The following KDM4C variants were observed in gnomAD, a reference collection of about 807,000 sequenced individuals.
KDM4C encodes the protein lysine-specific demethylase 4C.
Under a neutral mutation model 129.3 loss-of-function variants are expected in KDM4C, and 81 were observed. The observed-to-expected ratio is 0.63, with a 90% CI of 0.52 to 0.75. The LOEUF (loss-of-function observed/expected upper bound fraction) is 0.75, where lower values mean the gene tolerates loss of function less well. Ranked by LOEUF, KDM4C falls within the 30% of genes least tolerant of loss-of-function variation. The pLI, the probability that KDM4C is intolerant of heterozygous loss-of-function variation, is 0.00. For missense variants in KDM4C, 1,457 were observed against 1,304.0 expected (o/e 1.12, Z -1.81); for synonymous variants, 573 against 456.1 (o/e 1.26, Z -3.26).
At chr9:6,766,695 A>G (rs915862373) in intron 1 of KDM4C, among the ~76,000 whole-genome samples, 1 of 152,068 alleles carries the variant, frequency 6.6e-6, no homozygotes, top group Non-Finnish European at 1.5e-5. Context: ...GGTCCCTGGG[A>G]AAGCACATAA....
chr9:7,146,866 C>G (rs554211961), intron 19 of KDM4C, among the ~76,000 whole-genome samples: 2 of 152,182 alleles, frequency 1.3e-5, no homozygotes, highest in Non-Finnish European at 2.9e-5. Context: ...GTTCTGTGTT[C>G]TGTTGTAGCC....
chr9:6,792,034 GA>G (rs1826747826), intron 1 of KDM4C, among the ~76,000 whole-genome samples: 1 of 151,820 alleles, frequency 6.6e-6, no homozygotes, highest in South Asian at 2.1e-4. Flanking sequence ...AAAAGAAAAA[GA>G]GAAAAGGAAA....
At chr9:6,844,005 T>A (rs1287923924) in intron 4 of KDM4C, among the ~76,000 whole-genome samples, 14 of 152,138 alleles carry the variant, frequency 9.2e-5, no homozygotes, top group Admixed American at 7.2e-4. Context: ...GGCTATTTTT[T>A]AAAATTTTTG....
At position 7,001,766 on chromosome 9, in the gene KDM4C, T is replaced by A. The variant is rs933762333; in HGVS notation, c.1787-9932T>A. ...TTTGGTATGGGGAGCTTCTTTTTCA[T>A]GTAGATTGCATCATGCTAGTGTTAA... On this transcript the variant is annotated intron_variant, in intron 12 of 21. Coordinates refer to ENST00000381309, the MANE Select transcript of KDM4C (RefSeq NM_015061.6). 3.3e-5 allele frequency among the ~76,000 whole-genome samples: 5 copies of A among 152,276 alleles called. No homozygotes were observed. The East Asian group carries it at 9.6e-4, about 29-fold the overall frequency.
At chr9:7,046,219 T>C (rs552830454) in intron 15 of KDM4C, among the ~76,000 whole-genome samples, 8 of 152,010 alleles carry the variant, frequency 5.3e-5, no homozygotes, top group African/African-American at 1.9e-4. Context: ...CTAAGACACA[T>C]AAGAGTGCTG....
intron 20 of KDM4C, among the ~76,000 whole-genome samples, chr9:7,167,750 C>T (rs1319605635): frequency 1.3e-5 from 2 of 152,232 alleles, no homozygotes; most frequent in Non-Finnish European, 2.9e-5. Context: ...GCCTGAGAGA[C>T]ATACCCACCT....
At chr9:6,756,491 C>G (rs1588074404), upstream of KDM4C, among the ~76,000 whole-genome samples, 1 of 152,268 alleles carries the variant, frequency 6.6e-6, no homozygotes, top group African/African-American at 2.4e-5. Flanking sequence ...CCGAGGCGGG[C>G]GGATCACCTG....
chr9:7,077,179 T>C, intron 17 of KDM4C: 2 of 985,428 alleles, frequency 2.0e-6, no homozygotes, highest in Non-Finnish European at 2.4e-6. Flanking sequence ...GCTCATGTTA[T>C]CACACATGCT....
intron 12 of KDM4C, among the ~76,000 whole-genome samples, chr9:7,008,632 G>A (rs1286693529): frequency 6.6e-6 from 1 of 152,198 alleles, no homozygotes; most frequent in Non-Finnish European, 1.5e-5. Flanking sequence ...CCCTGTGGAT[G>A]CAGTTGACAG....
intron 15 of KDM4C, among the ~76,000 whole-genome samples, chr9:7,032,261 A>T (rs1407437912): frequency 6.6e-6 from 1 of 152,236 alleles, no homozygotes; most frequent in Admixed American, 6.5e-5. Context: ...ATCTGAAGGC[A>T]ACTTTCTGTC....
chr9:6,964,793 A>AAAC (rs1305650932), intron 8 of KDM4C, among the ~76,000 whole-genome samples: 9 of 150,448 alleles, frequency 6.0e-5, no homozygotes, highest in Admixed American at 6.0e-4. Context: ...AAAAAAAAAA[A>AAAC]AAAAAAAACC....
At chr9:7,170,007 C>G in intron 21 of KDM4C, 117 bp downstream of exon 21, 1 of 1,555,934 alleles carries the variant, frequency 6.4e-7, no homozygotes, top group Non-Finnish European at 8.7e-7. Flanking sequence ...CTAAAAAAAG[C>G]CAATGCAACA....
intron 19 of KDM4C, among the ~76,000 whole-genome samples, chr9:7,153,959 G>A (rs944758612): frequency 2.6e-5 from 4 of 152,184 alleles, no homozygotes; most frequent in Admixed American, 2.6e-4. Context: ...TGCTGCTGCT[G>A]CTGTCTGAGA....
chr9:6,730,403 C>G (rs562086209), intron 1 of KDM4C, among the ~76,000 whole-genome samples: 1 of 151,982 alleles, frequency 6.6e-6, no homozygotes, highest in African/African-American at 2.4e-5. Flanking sequence ...ATCACAAGGT[C>G]AGGAAATCGA....
At chr9:6,985,837 T>G (rs1010639843) in intron 10 of KDM4C, among the ~76,000 whole-genome samples, 8 of 152,146 alleles carry the variant, frequency 5.3e-5, no homozygotes, top group Non-Finnish European at 1.2e-4. Flanking sequence ...ACTAAAGGTG[T>G]GCACCACTAT....
intron 12 of KDM4C, among the ~76,000 whole-genome samples, chr9:6,997,235 G>T (rs1486410149): frequency 6.6e-6 from 1 of 152,184 alleles, no homozygotes; most frequent in Non-Finnish European, 1.5e-5. Context: ...CCAAGTTGTG[G>T]CCGTTGAGGA....
In KDM4C at chr9:6,832,879, C is replaced by T. The variant is rs866823426; in HGVS notation, c.436-16628C>T. Among the ~76,000 whole-genome samples the T allele has an allele frequency of 2.0e-5, 3 of 150,810 alleles. No homozygotes were observed. In the South Asian group the frequency reaches 6.3e-4, roughly 32 times the overall value. On this transcript the variant is annotated intron_variant, in intron 4 of 21. Transcript: ENST00000381309. ...AGTAGCTGGGATTATAGGCACCCACCACCTTGCCTGGCTAATTTTTGTATT... is the reference window on the plus strand; with the variant it reads ...AGTAGCTGGGATTATAGGCACCCACTACCTTGCCTGGCTAATTTTTGTATT...
intron 1 of KDM4C, among the ~76,000 whole-genome samples, chr9:6,732,873 C>T (rs948672808): frequency 6.6e-6 from 1 of 152,134 alleles, no homozygotes; most frequent in Non-Finnish European, 1.5e-5. Context: ...ATTAGCTGGA[C>T]GTGGTGGCAC....
intron 2 of KDM4C, among the ~76,000 whole-genome samples, chr9:6,800,195 T>A (rs1305883483): frequency 1.3e-5 from 2 of 152,120 alleles, no homozygotes; most frequent in Non-Finnish European, 2.9e-5. Context: ...GGTGAAATGC[T>A]GTCTCTACTA....
Sources: allele counts gnomAD v4.1 joint callset (sites outside exome capture counted in the v4.1 genomes callset), GRCh38; gene constraint gnomAD v4.1.1; transcripts MANE v1.5; gene names NCBI Gene and HGNC (gene_info 2026-07-23, HGNC 2026-07-21).